Variants in NBPF26 observed in about 807,000 individuals in gnomAD.
NBPF26 encodes NBPF family member NBPF26.
NBPF26 carries 79 observed loss-of-function variants against 119.6 expected under a neutral mutation model. That is an observed-to-expected ratio of 0.66 (90% CI 0.55 to 0.80). NBPF26 has a LOEUF of 0.80. Among genes scored for constraint, NBPF26 ranks in the 30% least tolerant of loss-of-function variants. The pLI is 0.00. For missense variants in NBPF26, 800 were observed against 1,198.2 expected, an observed-to-expected ratio of 0.67 and a Z score of 4.91; for synonymous variants, 299 against 457.7, an observed-to-expected ratio of 0.65 and a Z score of 4.43.
rs1651252116 is a variant in NBPF26 at position 120,770,587 on chromosome 1, T to G, written c.155+6878T>G. 1.7e-5 allele frequency among the ~76,000 whole-genome samples: 2 copies of G among 119,828 alleles called. 1 individual carries two copies. Among genetic ancestry groups the G allele is most frequent in the Non-Finnish European group, 3.2e-5 (2 of 61,806 alleles). 78.6% of individuals were successfully genotyped at this position (119,828 alleles called of 152,430 possible). ...TAGCTAACATTATTGCATATTAGGG[T>G]CTGTTCTCAAGTAGTTTAACATGTA... On this transcript the variant is annotated intron_variant, in intron 2 of 29. Transcript: ENST00000620612.
rs1652180125 is a variant in NBPF26, at chr1:120,823,672, G to C, written c.2640-302G>C. On this transcript the variant is annotated intron_variant, in intron 17 of 29. Transcript: ENST00000620612. ...ATGCTTTTCATGATCACTGTTCACT[G>C]TGTGTCCTGAGAGCACAAATACAGA... Among the ~76,000 whole-genome samples the C allele has an allele frequency of 5.7e-5, 7 of 122,978 alleles. 1 individual carries two copies. The South Asian group carries it at 1.7e-3, about 30-fold the overall frequency. 80.7% of individuals were successfully genotyped at this position (122,978 alleles called of 152,430 possible).
intron 11 of NBPF26, among the ~76,000 whole-genome samples, chr1:120,814,515 A>G (rs1224948847): frequency 8.7e-6 from 1 of 115,242 alleles, no homozygotes; most frequent in South Asian, 2.7e-4. Flanking sequence ...TCACATGGAA[A>G]TGTCCATGGC....
At position 120,807,336 on chromosome 1, in the gene NBPF26, T is replaced by A. The variant is rs1297416519; in HGVS notation, c.962-271T>A. Among the ~76,000 whole-genome samples, 5 of 125,234 alleles carry A rather than the reference T, an allele frequency of 4.0e-5. No individual in the cohort carries two copies. The East Asian group carries it at 9.9e-4, about 25-fold the overall frequency. 82.2% of individuals were successfully genotyped at this position (125,234 alleles called of 152,430 possible). ...GCATTCAGAGTCAGACCTCAGGGAC[T>A]GTGAGTTCTGACTCCACTTCGTTGT... On this transcript the variant is annotated intron_variant, in intron 5 of 29. Coordinates refer to ENST00000620612, the Ensembl canonical transcript of NBPF26.
intron 1 of NBPF26, among the ~76,000 whole-genome samples, chr1:120,729,511 AG>A (rs1650853221): frequency 9.2e-6 from 1 of 109,002 alleles, no homozygotes; most frequent in South Asian, 2.7e-4. Flanking sequence ...AGACCTGTGC[AG>A]GTGATAGGGA....
In NBPF26 at chr1:120,805,852, G is replaced by T. The variant is rs1392199330; in HGVS notation, c.961+87G>T. 4.3e-3 allele frequency: 4,749 copies of T among 1,105,306 alleles called. 352 individuals carry two copies. Among genetic ancestry groups the T allele is most frequent in the East Asian group, 0.041 (1,583 of 38,518 alleles). 68.5% of individuals were successfully genotyped at this position (1,105,306 alleles called of 1,614,324 possible). On this transcript the variant is annotated intron_variant, in intron 5 of 29. Transcript: ENST00000620612. Reference sequence around the variant, plus strand: ...CACTAAATGCTCTCTCCATCAAAAAGAATTTCATCCTTCCTGTACTTCTAG... The same window carrying T: ...CACTAAATGCTCTCTCCATCAAAAATAATTTCATCCTTCCTGTACTTCTAG...
At chr1:120,779,479 G>A (rs1203672088) in intron 2 of NBPF26, among the ~76,000 whole-genome samples, 1 of 118,134 alleles carries the variant, frequency 8.5e-6, no homozygotes, top group Non-Finnish European at 1.7e-5. Context: ...CTAGAGAAGA[G>A]AGAGTAAGTA....
rs2101489967 is a variant in NBPF26 at position 120,805,688 on chromosome 1, A to G, written c.884A>G (p.Gln295Arg). 3.6e-5 allele frequency: 52 copies of G among 1,458,320 alleles called. 13 individuals carry two copies. The highest frequency in any genetic ancestry group is 4.6e-5 in the Non-Finnish European group (50 of 1,079,900). The allele number at this position is 1,458,320 out of a possible 1,614,324, so 90.3% of individuals were successfully genotyped here. A position where few individuals can be genotyped will look rare whatever the true frequency, so the allele number is the denominator to read the frequency against. Residue 295 changes from glutamine (Q) to arginine (R), a missense_variant, in exon 5 of 30, where the codon CAG becomes CGG. Gln to Arg is a conservative substitution (Grantham distance 43). Coordinates refer to ENST00000620612, the Ensembl canonical transcript of NBPF26. ...CGCCCCCAGCTGCCAGAGAACAAAC[A>G]GCAGTTGAGAAACCTCAAAGAGAAA...
At chr1:120,790,749 G>A (rs1167952350) in intron 3 of NBPF26, among the ~76,000 whole-genome samples, 7 of 110,154 alleles carry the variant, frequency 6.4e-5, no homozygotes, top group Non-Finnish European at 1.2e-4. Flanking sequence ...ACAGGTATGC[G>A]CTATGAAGCC....
intron 15 of NBPF26, among the ~76,000 whole-genome samples, chr1:120,820,466 A>ATGTATATATATATG: frequency 2.7e-5 from 1 of 37,376 alleles, no homozygotes; most frequent in African/African-American, 1.0e-4. Context: ...ATATATATAT[A>ATGTATATATATATG]TATATATATA....
chr1:120,805,597 G>A, exon 5 of NBPF26: 1 of 1,460,242 alleles, frequency 6.8e-7, no homozygotes, highest in Non-Finnish European at 9.3e-7. Flanking sequence ...CAGCATGGTG[G>A]TATCAGCCGG....
Position 120,807,371 on chromosome 1 carries a change from A to AT in NBPF26, c.962-235dup, listed in dbSNP as rs1651723441. Among the ~76,000 whole-genome samples, 3 of 125,060 alleles carry AT rather than the reference A, an allele frequency of 2.4e-5. 1 individual carries two copies. The highest frequency in any genetic ancestry group is 4.9e-5 in the Non-Finnish European group (3 of 61,590). 82.0% of individuals were successfully genotyped at this position (125,060 alleles called of 152,430 possible). ...GACTCCACTTCGTTGTGGTTGAATCATCTTGTCAACTTCCTTGATGCGCCC... is the reference window on the plus strand; with the variant it reads ...GACTCCACTTCGTTGTGGTTGAATCATTCTTGTCAACTTCCTTGATGCGCCC... On this transcript the variant is annotated intron_variant, in intron 5 of 29. Coordinates refer to ENST00000620612, the Ensembl canonical transcript of NBPF26.
At chr1:120,763,499 A>T in intron 1 of NBPF26, 129 bp from the exon 2 acceptor site, 1 of 463,108 alleles carries the variant, frequency 2.2e-6, no homozygotes, top group Non-Finnish European at 3.8e-6. Flanking sequence ...TAAAAAACTG[A>T]TTAAAACTCT....
Position 120,817,858 on chromosome 1 carries a change from GA to G in NBPF26, c.2372-259del, listed in dbSNP as rs1386742692. 5.5e-5 allele frequency among the ~76,000 whole-genome samples: 6 copies of G among 109,560 alleles called. 2 individuals are homozygous for G. Among genetic ancestry groups the G allele is most frequent in the African/African-American group, 2.8e-4 (5 of 17,686 alleles). 71.9% of individuals were successfully genotyped at this position (109,560 alleles called of 152,430 possible). A position where few individuals can be genotyped will look rare whatever the true frequency, so the allele number is the denominator to read the frequency against. Reference sequence around the variant, plus strand: ...ACCAATTTTTGGAGATTTTTTTGGGGAAAAAATTTTGTTTAACTTTGACTCA... The same window carrying G: ...ACCAATTTTTGGAGATTTTTTTGGGGAAAAATTTTGTTTAACTTTGACTCA... On this transcript the variant is annotated intron_variant, in intron 14 of 29. Transcript: ENST00000620612.
rs1553273463 is a variant in NBPF26 at position 120,840,426 on chromosome 1, T to C, written c.4180T>C (p.Ser1394Pro). 4.9e-5 allele frequency: 72 copies of C among 1,470,064 alleles called. 15 individuals carry two copies. In the Admixed American group the frequency reaches 1.3e-3, roughly 27 times the overall value. 91.1% of individuals were successfully genotyped at this position (1,470,064 alleles called of 1,614,324 possible). A position where few individuals can be genotyped will look rare whatever the true frequency, so the allele number is the denominator to read the frequency against. The change falls in exon 30 of 30, where the codon TCA (serine) becomes CCA (proline). Residue 1394 changes from serine to proline, a missense_variant. By Grantham distance (74) the Ser-to-Pro change is moderately conservative. Transcript: ENST00000620612. ...ACTGGATATATGTTATTCGACTCCG[T>C]CAATGTACTTTGAACTACCTGACTC... is the stretch of plus-strand genomic sequence containing the variant.
chr1:120,806,968 C>A lies in NBPF26; in HGVS notation c.962-639C>A, dbSNP rs1397699977. Among the ~76,000 whole-genome samples the A allele has an allele frequency of 1.0e-4, 12 of 115,526 alleles. 4 individuals are homozygous for A. The highest frequency in any genetic ancestry group is 2.0e-4 in the Non-Finnish European group (12 of 61,364). 75.8% of individuals were successfully genotyped at this position (115,526 alleles called of 152,430 possible). ...CTTCATTCTGATGTTTCTAAATTAA[C>A]ACTAACTAAGCTTATGCTGTTTCTA... is the stretch of plus-strand genomic sequence containing the variant. On this transcript the variant is annotated intron_variant, in intron 5 of 29. Coordinates refer to ENST00000620612, the Ensembl canonical transcript of NBPF26.
intron 6 of NBPF26, 38 bp from the exon 7 acceptor site, chr1:120,808,507 C>G (rs1651766830): frequency 1.4e-6 from 1 of 732,706 alleles, no homozygotes; most frequent in African/African-American, 2.8e-5. Context: ...TCACTCAACC[C>G]TTTCTACTCT....
intron 4 of NBPF26, among the ~76,000 whole-genome samples, chr1:120,795,907 G>T (rs1651545288): frequency 5.7e-5 from 1 of 17,516 alleles, no homozygotes; most frequent in Non-Finnish European, 1.1e-4. Context: ...AATAGTACTT[G>T]TTACATATCA....
Position 120,790,660 on chromosome 1 carries a change from C to T in NBPF26, c.416-2501C>T, listed in dbSNP as rs1285814167. ...CTCACTCTGTTGCTTAGTACAGTGG[C>T]GCAGTCTCGGCTCACTGCAACCTCC... is the stretch of plus-strand genomic sequence containing the variant. On this transcript the variant is annotated intron_variant, in intron 3 of 29. Coordinates refer to ENST00000620612, the Ensembl canonical transcript of NBPF26. Among the ~76,000 whole-genome samples the T allele has an allele frequency of 2.9e-4, 31 of 107,944 alleles. 11 individuals carry two copies. Among genetic ancestry groups the T allele is most frequent in the Admixed American group, 1.1e-3 (12 of 10,956 alleles). 70.8% of individuals were successfully genotyped at this position (107,944 alleles called of 152,430 possible). A position where few individuals can be genotyped will look rare whatever the true frequency, so the allele number is the denominator to read the frequency against.
intron 27 of NBPF26, among the ~76,000 whole-genome samples, chr1:120,838,537 TG>T (rs1652450104): frequency 1.4e-4 from 12 of 83,444 alleles, no homozygotes; most frequent in African/African-American, 6.1e-4. Flanking sequence ...TGTGTGTGTG[TG>T]TGTGTGTGTC....
Sources: gnomAD v4.1 joint callset for allele counts (sites outside exome capture counted in the v4.1 genomes callset) on GRCh38, gnomAD v4.1.1 for gene constraint, MANE v1.5 for transcripts, NCBI Gene and HGNC (gene_info 2026-07-23, HGNC 2026-07-21) for gene names.